TBC1D1: variants seen among roughly 807,000 people sequenced by gnomAD.
TBC1D1 encodes TBC1 domain family member 1, also known as TBC1 (tre-2/USP6, BUB2, cdc16) domain family, member 1.
In TBC1D1, 89 loss-of-function variants were observed where a neutral mutation model predicts 125.6. The observed-to-expected ratio is 0.71, with a 90% CI of 0.60 to 0.85. The LOEUF (loss-of-function observed/expected upper bound fraction) is 0.85. Ranked by LOEUF, TBC1D1 falls within the 40% of genes least tolerant of loss-of-function variation. TBC1D1 has a pLI of 0.00. For missense variants in TBC1D1, 1,377 were observed against 1,469.2 expected, an observed-to-expected ratio of 0.94 and a Z score of 1.03; for synonymous variants, 565 against 564.1, an observed-to-expected ratio of 1.00 and a Z score of -0.02.
At chr4:38,070,415 G>A (rs778220214) in intron 12 of TBC1D1, among the ~76,000 whole-genome samples, 5 of 152,146 alleles carry the variant, frequency 3.3e-5, no homozygotes, top group African/African-American at 9.7e-5. Flanking sequence ...AGGTTCCCAC[G>A]TGGACCTTCG....
intron 7 of TBC1D1, among the ~76,000 whole-genome samples, chr4:38,031,286 A>T (rs1289199069): frequency 1.3e-5 from 2 of 152,274 alleles, no homozygotes; most frequent in African/African-American, 2.4e-5. Context: ...AAGTAGATTT[A>T]TACTCAGTAG....
Position 38,103,051 on chromosome 4 carries a change from C to T in TBC1D1, c.2451C>T (p.Phe817=). The T allele has an allele frequency of 6.2e-7, 1 of 1,614,164 alleles. No homozygotes were observed. Among genetic ancestry groups the T allele is most frequent in the South Asian group, 1.1e-5 (1 of 91,076 alleles). Residue 817 remains phenylalanine, a synonymous_variant, in exon 15 of 20, where the codon TTC becomes TTT. Coordinates refer to ENST00000261439, the MANE Select transcript of TBC1D1 (RefSeq NM_015173.4). ...TCTGGAAATTTCTAGCTGAGCAATT[C>T]CACCTTAAACACCAGTTTCCCAGCA...
At chr4:37,944,933 G>A (rs183157833) in intron 2 of TBC1D1, among the ~76,000 whole-genome samples, 17 of 152,278 alleles carry the variant, frequency 1.1e-4, no homozygotes, top group Non-Finnish European at 2.1e-4. Context: ...CGTTCACGCC[G>A]GGAGCTGTAG....
intron 12 of TBC1D1, among the ~76,000 whole-genome samples, chr4:38,064,706 C>T (rs1394876145): frequency 6.6e-6 from 1 of 151,834 alleles, no homozygotes; most frequent in Non-Finnish European, 1.5e-5. Context: ...TCACTGCCAC[C>T]TCCACCTCCC....
At chr4:37,913,263 T>A (rs747268295) in intron 2 of TBC1D1, among the ~76,000 whole-genome samples, 12 of 152,064 alleles carry the variant, frequency 7.9e-5, no homozygotes, top group Non-Finnish European at 1.5e-4. Context: ...AAAAATAACA[T>A]AGAAGTGAAA....
intron 15 of TBC1D1, among the ~76,000 whole-genome samples, chr4:38,115,358 T>C (rs1383168340): frequency 6.6e-6 from 1 of 152,182 alleles, no homozygotes; most frequent in Admixed American, 6.5e-5. Context: ...CACCTAGGCC[T>C]CTGAAAGTGC....
At chr4:38,108,538 G>T (rs1288461322) in intron 15 of TBC1D1, among the ~76,000 whole-genome samples, 33 of 152,236 alleles carry the variant, frequency 2.2e-4, no homozygotes, top group Admixed American at 2.2e-3. Context: ...TTGGTGACCA[G>T]AAGTGCCATT....
intron 2 of TBC1D1, among the ~76,000 whole-genome samples, chr4:37,944,680 G>A (rs553417633): frequency 2.0e-4 from 31 of 152,314 alleles, no homozygotes; most frequent in Admixed American, 5.9e-4. Context: ...TAAGACCCTT[G>A]GAAAAGCGCA....
chr4:38,092,062 TA>T (rs1286784255), intron 13 of TBC1D1, among the ~76,000 whole-genome samples: 2 of 152,192 alleles, frequency 1.3e-5, no homozygotes, highest in East Asian at 1.9e-4. Flanking sequence ...GGATTGCTGA[TA>T]AAAAAATAAC....
Position 38,137,293 on chromosome 4 carries a change from C to T in TBC1D1, c.3465C>T (p.Asp1155=). 2 of 1,611,434 alleles carry T rather than the reference C, an allele frequency of 1.2e-6. No homozygotes were observed. The highest frequency in any genetic ancestry group is 2.7e-5 in the African/African-American group (2 of 74,944). Residue 1155 remains aspartate (D), a synonymous_variant, in exon 20 of 20, where the codon GAC becomes GAT. Coordinates refer to ENST00000261439, the MANE Select transcript of TBC1D1 (RefSeq NM_015173.4). ...GGCGGCGGAGCGCAGAGCCCAGCGA[C>T]CGGGAGCCTGAGTGCACGCAGCCCG...
chr4:38,067,858 CT>C (rs1485346162), intron 12 of TBC1D1, among the ~76,000 whole-genome samples: 3 of 152,178 alleles, frequency 2.0e-5, no homozygotes, highest in Non-Finnish European at 4.4e-5. Flanking sequence ...CCCTCCTTAC[CT>C]CCCATGGCCC....
intron 12 of TBC1D1, chr4:38,060,687 T>C: frequency 7.9e-7 from 1 of 1,265,276 alleles, no homozygotes; most frequent in Non-Finnish European, 1.0e-6. Context: ...GTCTCATCTG[T>C]CAGATGAAGA....
chr4:38,084,599 G>A (rs140992529), intron 12 of TBC1D1, among the ~76,000 whole-genome samples: 165 of 152,334 alleles, frequency 1.1e-3, no homozygotes, highest in Middle Eastern at 6.8e-3. Context: ...AACAACAGAC[G>A]CTGCAGATGT....
At chr4:37,935,678 G>A (rs1357540592) in intron 2 of TBC1D1, among the ~76,000 whole-genome samples, 3 of 152,180 alleles carry the variant, frequency 2.0e-5, no homozygotes, top group African/African-American at 7.2e-5. Context: ...AGATCTGACA[G>A]TACACCTTTC....
At chr4:37,903,337 A>G (rs555826738) in intron 2 of TBC1D1, among the ~76,000 whole-genome samples, 1 of 152,326 alleles carries the variant, frequency 6.6e-6, no homozygotes, top group South Asian at 2.1e-4. Context: ...TATGAGGATT[A>G]GCTTAGATAA....
chr4:37,913,612 T>C (rs960867324), intron 2 of TBC1D1, among the ~76,000 whole-genome samples: 2 of 150,410 alleles, frequency 1.3e-5, no homozygotes, highest in South Asian at 2.1e-4. Flanking sequence ...AAAATAAATA[T>C]ATATATATAT....
intron 2 of TBC1D1, among the ~76,000 whole-genome samples, chr4:37,911,470 G>A (rs1398205495): frequency 1.3e-5 from 2 of 152,258 alleles, no homozygotes; most frequent in Admixed American, 6.5e-5. Context: ...TGGGGGAGGA[G>A]CCTGATGCAG....
In TBC1D1 at chr4:37,983,121, C is replaced by CTTTT. The variant is rs71190937; in HGVS notation, c.418-31371_418-31368dup. On this transcript the variant is annotated intron_variant, in intron 2 of 19. Transcript: ENST00000261439. ...GCCAAAGATGATCTTTCCCCAAACT[C>CTTTT]TTTTTTTTTTTTTTTTTTTTCAGAC... Among the ~76,000 whole-genome samples the CTTTT allele has an allele frequency of 1.5e-3, 176 of 116,554 alleles. 1 individual carries two copies. Among genetic ancestry groups the CTTTT allele is most frequent in the African/African-American group, 5.3e-3 (161 of 30,276 alleles). The allele number at this position is 116,554 out of a possible 152,430, so 76.5% of individuals were successfully genotyped here.
At chr4:37,952,040 C>T in intron 2 of TBC1D1, 1 of 717,676 alleles carries the variant, frequency 1.4e-6, no homozygotes, top group Non-Finnish European at 2.6e-6. Flanking sequence ...TTTGAAAGAG[C>T]TGCCGGAGAA....
Sources: allele counts gnomAD v4.1 joint callset (sites outside exome capture counted in the v4.1 genomes callset), GRCh38; gene constraint gnomAD v4.1.1; transcripts MANE v1.5; gene names NCBI Gene and HGNC (gene_info 2026-07-23, HGNC 2026-07-21).